The following GRIN2A variants were observed in gnomAD, a reference collection of about 807,000 sequenced individuals.
GRIN2A encodes the protein glutamate ionotropic receptor NMDA type subunit 2A, also known as glutamate receptor ionotropic, NMDA 2A.
In GRIN2A, 22 loss-of-function variants were observed where a neutral mutation model predicts 113.4. The ratio of observed to expected loss-of-function variants is 0.19; its 90% CI spans 0.14 to 0.28. The LOEUF (loss-of-function observed/expected upper bound fraction) is 0.28. GRIN2A is among the 10% of genes least tolerant of loss of function. GRIN2A has a pLI of 1.00. For missense variants in GRIN2A, 1,502 were observed against 1,887.0 expected (o/e 0.80, Z 3.78); for synonymous variants, 827 against 738.4 (o/e 1.12, Z -1.94).
At chr16:10,139,848 A>C (rs1165270368) in intron 2 of GRIN2A, among the ~76,000 whole-genome samples, 3 of 148,694 alleles carry the variant, frequency 2.0e-5, no homozygotes, top group African/African-American at 7.4e-5. Context: ...TTTTTTTTTG[A>C]AGGGAGTCTC....
intron 2 of GRIN2A, among the ~76,000 whole-genome samples, chr16:10,032,347 TTAAG>T (rs1251044418): frequency 2.0e-5 from 3 of 152,182 alleles, no homozygotes; most frequent in Non-Finnish European, 4.4e-5. Context: ...ACTGTACAAA[TTAAG>T]TGATTTTTTT....
At chr16:9,874,590 A>G (rs142417543) in intron 4 of GRIN2A, among the ~76,000 whole-genome samples, 3 of 152,164 alleles carry the variant, frequency 2.0e-5, no homozygotes, top group Admixed American at 6.5e-5. Flanking sequence ...CTGATATATG[A>G]ACGCCACCCA....
chr16:10,053,800 C>A (rs2047399440), intron 2 of GRIN2A, among the ~76,000 whole-genome samples: 1 of 152,060 alleles, frequency 6.6e-6, no homozygotes, highest in Non-Finnish European at 1.5e-5. Context: ...TTGCACCAAT[C>A]TAATACATCC....
intron 3 of GRIN2A, among the ~76,000 whole-genome samples, chr16:9,904,484 GTC>G (rs1193424401): frequency 1.3e-5 from 2 of 152,092 alleles, no homozygotes; most frequent in Non-Finnish European, 2.9e-5. Context: ...CAATTCTCAT[GTC>G]TCTGTCTCCC....
intron 3 of GRIN2A, among the ~76,000 whole-genome samples, chr16:9,923,450 T>C (rs1259663590): frequency 4.6e-5 from 7 of 152,214 alleles, no homozygotes; most frequent in African/African-American, 1.4e-4. Context: ...AAACCTATCA[T>C]CTTGCTATTT....
At chr16:9,889,936 G>A (rs1386380215) in intron 4 of GRIN2A, among the ~76,000 whole-genome samples, 1 of 152,138 alleles carries the variant, frequency 6.6e-6, no homozygotes, top group Admixed American at 6.5e-5. Context: ...TAGTTGCTGG[G>A]TGTAGGATGC....
chr16:9,945,537 C>T lies in GRIN2A; in HGVS notation c.415-6986G>A, dbSNP rs971037170. 5.3e-5 allele frequency among the ~76,000 whole-genome samples: 8 copies of T among 152,124 alleles called. No individual in the cohort carries two copies. In the East Asian group the frequency reaches 1.6e-3, roughly 30 times the overall value. On this transcript the variant is annotated intron_variant, in intron 2 of 12. Transcript: ENST00000330684. ...CAGGATAGGGAGTCTGTATCTAATT[C>T]CTAGGTCAACTGTATTGCAAACAAC...
Position 9,769,086 on chromosome 16 carries a change from T to C in GRIN2A, c.2360A>G (p.Glu787Gly). ...CCACAGGGTCTCCAGCTCCTCCATCTCACCTGGACAGATCACAACATTCAC... is the reference window on the plus strand; with the variant it reads ...CCACAGGGTCTCCAGCTCCTCCATCCCACCTGGACAGATCACAACATTCAC... ...LALLQFVGDG[E>G]MEELETLWLT... is the part of the protein sequence containing the mutation. Residue 787 changes from glutamate (E) to glycine (G), a missense_variant, in exon 12 of 13, where the codon GAG becomes GGG. Glu to Gly is a moderately conservative substitution (Grantham distance 98, BLOSUM62 -2). This residue lies in a region of GRIN2A where 101 missense variants were observed against 240.4 expected (regional missense o/e 0.42). Transcript: ENST00000330684. The C allele has an allele frequency of 1.2e-6, 2 of 1,611,366 alleles. No homozygotes were observed. The highest frequency in any genetic ancestry group is 1.7e-6 in the Non-Finnish European group (2 of 1,177,542).
Position 10,051,599 on chromosome 16 carries a change from G to T in GRIN2A, c.415-113048C>A, listed in dbSNP as rs376013039. Among the ~76,000 whole-genome samples, 9 of 152,210 alleles carry T rather than the reference G, an allele frequency of 5.9e-5. No individual in the cohort carries two copies. The East Asian group carries it at 7.7e-4, about 13-fold the overall frequency. On this transcript the variant is annotated intron_variant, in intron 2 of 12. Coordinates refer to ENST00000330684, the MANE Select transcript of GRIN2A (RefSeq NM_001134407.3). ...GCCTTGCATGTGTGTGTCTGAGGGG[G>T]TGTATCAGGGACTGGACCATTCGAA...
chr16:10,151,895 GC>G (rs2049585702), intron 2 of GRIN2A, among the ~76,000 whole-genome samples: 1 of 152,162 alleles, frequency 6.6e-6, no homozygotes, highest in Non-Finnish European at 1.5e-5. Context: ...TGACACTACA[GC>G]TTTTCCCAAG....
rs2044122500 is a variant in GRIN2A, at chr16:9,910,934, G to C, written c.1008-19834C>G. On this transcript the variant is annotated intron_variant, in intron 3 of 12. Transcript: ENST00000330684. Reference sequence around the variant, plus strand: ...ATTTTTCTGCTTGCCTGCTTCCATGGAGTAAAGACCTCAGTACCTCTCCAA... The same window carrying C: ...ATTTTTCTGCTTGCCTGCTTCCATGCAGTAAAGACCTCAGTACCTCTCCAA... Among the ~76,000 whole-genome samples the C allele has an allele frequency of 2.0e-5, 3 of 151,756 alleles. No homozygotes were observed. The South Asian group carries it at 6.2e-4, about 32-fold the overall frequency.
At chr16:10,104,321 G>C (rs1366564044) in intron 2 of GRIN2A, among the ~76,000 whole-genome samples, 1 of 152,186 alleles carries the variant, frequency 6.6e-6, no homozygotes, top group Non-Finnish European at 1.5e-5. Flanking sequence ...AGAAGGTGTA[G>C]TCACAGGGCG....
intron 2 of GRIN2A, among the ~76,000 whole-genome samples, chr16:9,996,822 G>T (rs191349667): frequency 1.9e-4 from 29 of 152,136 alleles, no homozygotes; most frequent in African/African-American, 7.0e-4. Flanking sequence ...TTCAAACCAG[G>T]ACTCACAGTT....
chr16:9,983,827 T>C (rs982558850), intron 2 of GRIN2A, among the ~76,000 whole-genome samples: 3 of 152,232 alleles, frequency 2.0e-5, no homozygotes, highest in African/African-American at 7.2e-5. Context: ...GTTGATTCAA[T>C]GTCTTGGCCC....
chr16:9,850,066 T>C, intron 4 of GRIN2A, 105 bp from the exon 5 acceptor site: 1 of 921,968 alleles, frequency 1.1e-6, no homozygotes, highest in Non-Finnish European at 1.8e-6. Context: ...CAAGGGCCTT[T>C]CTGCCACATA....
chr16:10,026,981 C>G (rs747413677), intron 2 of GRIN2A, among the ~76,000 whole-genome samples: 1 of 152,178 alleles, frequency 6.6e-6, no homozygotes, highest in African/African-American at 2.4e-5. Flanking sequence ...AAAACCCCAT[C>G]GCACCACCAC....
chr16:10,147,557 G>A (rs12926569), intron 2 of GRIN2A, among the ~76,000 whole-genome samples: 14,323 of 149,934 alleles, frequency 0.096, 689 homozygotes, highest in Middle Eastern at 0.12. Context: ...GATCTCTTGA[G>A]CCTGGTAGGG....
In GRIN2A at chr16:10,152,333, T is replaced by C. The variant is rs149734719; in HGVS notation, c.414+27665A>G. ...CATACGCACCATGTACTTGGCCACC[T>C]ACGTGTCTTTATTCATGCTGTTTTC... On this transcript the variant is annotated intron_variant, in intron 2 of 12. Coordinates refer to ENST00000330684, the MANE Select transcript of GRIN2A (RefSeq NM_001134407.3). Among the ~76,000 whole-genome samples, 156 of 152,344 alleles carry C rather than the reference T, an allele frequency of 1.0e-3. 1 individual carries two copies. Among genetic ancestry groups the C allele is most frequent in the African/African-American group, 3.1e-3 (127 of 41,584 alleles).
At chr16:10,163,416 C>T (rs2049846337) in intron 2 of GRIN2A, among the ~76,000 whole-genome samples, 1 of 152,194 alleles carries the variant, frequency 6.6e-6, no homozygotes, top group Non-Finnish European at 1.5e-5. Context: ...GCAGAGGAGA[C>T]AGCCATCCTG....
Sources: allele counts gnomAD v4.1 joint callset (sites outside exome capture counted in the v4.1 genomes callset), GRCh38; gene constraint gnomAD v4.1.1; regional missense constraint gnomAD v4.1.1; transcripts MANE v1.5; gene names NCBI Gene and HGNC (gene_info 2026-07-23, HGNC 2026-07-21).